ZNF407: variants seen among roughly 807,000 people sequenced by gnomAD.
ZNF407 encodes the protein zinc finger protein 407.
ZNF407 carries 17 observed loss-of-function variants against 131.2 expected under a neutral mutation model. That is an observed-to-expected ratio of 0.13 (90% CI 0.09 to 0.19). The LOEUF is 0.19. ZNF407 is among the 10% of genes least tolerant of loss of function. ZNF407 has a pLI of 1.00. For missense variants in ZNF407, 2,681 were observed against 2,830.6 expected (o/e 0.95, Z 1.20); for synonymous variants, 1,156 against 1,062.0 (o/e 1.09, Z -1.72).
rs1395111958 is a variant in ZNF407, at chr18:74,634,168, C to G, written c.3149C>G (p.Ala1050Gly). 1 of 1,614,040 alleles carries G rather than the reference C, an allele frequency of 6.2e-7. No individual in the cohort carries two copies. Among genetic ancestry groups the G allele is most frequent in the Admixed American group, 1.7e-5 (1 of 60,030 alleles). Residue 1050 changes from alanine (A) to glycine (G), a missense_variant, in exon 2 of 9, where the codon GCA (alanine) becomes GGA (glycine). Ala to Gly is a moderately conservative substitution (Grantham distance 60). Coordinates refer to ENST00000299687, the MANE Select transcript of ZNF407 (RefSeq NM_017757.3). ...HTKEFEFYCM[A>G]CDYYAVTRRE... is the part of the protein sequence containing the mutation. ...AAAGAGTTTGAGTTTTATTGCATGG[C>G]ATGCGATTACTACGCGGTGACTCGT...
intron 1 of ZNF407, among the ~76,000 whole-genome samples, chr18:74,611,256 A>G (rs2144619623): frequency 6.6e-6 from 1 of 152,380 alleles, no homozygotes; most frequent in East Asian, 1.9e-4. Flanking sequence ...CAGAGGGTGC[A>G]GACCATAAAG....
intron 3 of ZNF407, among the ~76,000 whole-genome samples, chr18:74,668,639 T>G (rs563280399): frequency 1.1e-3 from 175 of 152,320 alleles, no homozygotes; most frequent in African/African-American, 3.9e-3. Flanking sequence ...TTTAGCACAT[T>G]TTAAGCACCT....
intron 4 of ZNF407, among the ~76,000 whole-genome samples, chr18:74,827,348 A>G (rs1379710605): frequency 6.6e-6 from 1 of 152,144 alleles, no homozygotes; most frequent in African/African-American, 2.4e-5. Flanking sequence ...TGCCAAATAT[A>G]GACTTTATGT....
chr18:75,017,314 T>A (rs1423430979), intron 8 of ZNF407, among the ~76,000 whole-genome samples: 1 of 152,138 alleles, frequency 6.6e-6, no homozygotes, highest in Non-Finnish European at 1.5e-5. Flanking sequence ...AGAAGGATAC[T>A]TTGTAACCTC....
intron 3 of ZNF407, among the ~76,000 whole-genome samples, chr18:74,762,508 C>T (rs1027481786): frequency 6.6e-6 from 1 of 151,922 alleles, no homozygotes; most frequent in Admixed American, 6.6e-5. Context: ...CTCCATGAAA[C>T]CTTTACCTCA....
At chr18:74,927,144 T>C (rs1450554647) in intron 8 of ZNF407, among the ~76,000 whole-genome samples, 1 of 152,248 alleles carries the variant, frequency 6.6e-6, no homozygotes, top group Non-Finnish European at 1.5e-5. Flanking sequence ...CCATTGAATC[T>C]TCAAAACAAA....
At chr18:74,616,734 G>A (rs975988584) in intron 1 of ZNF407, among the ~76,000 whole-genome samples, 21,759 of 141,740 alleles carry the variant, frequency 0.15, 1,833 homozygotes, top group African/African-American at 0.23. Context: ...TCATGTCCAC[G>A]CTCTCTTGCC....
Position 74,633,083 on chromosome 18 carries a change from G to C in ZNF407, c.2064G>C (p.Lys688Asn). ...AAGCATCTCAGGAAGAACCTCTGAA[G>C]TCCAGGGTAAGCCATGGTAATGAAG... Reference protein sequence around the residue: ...SGKASQEEPLKSRVSHGNEVR... With the variant: ...SGKASQEEPLNSRVSHGNEVR... Residue 688 changes from lysine (K) to asparagine (N), a missense_variant, in exon 2 of 9, where the codon AAG (lysine) becomes AAC (asparagine). Around this residue, in one of 6 missense-constraint regions of ZNF407, gnomAD observed 1,789 missense variants for 1,748.7 expected, o/e 1.02. Transcript: ENST00000299687. 6.2e-7 allele frequency: 1 copy of C among 1,613,920 alleles called. No individual in the cohort carries two copies. Among genetic ancestry groups the C allele is most frequent in the South Asian group, 1.1e-5 (1 of 91,072 alleles).
intron 4 of ZNF407, among the ~76,000 whole-genome samples, chr18:74,867,295 C>T (rs975424654): frequency 6.6e-6 from 1 of 152,124 alleles, no homozygotes; most frequent in Non-Finnish European, 1.5e-5. Flanking sequence ...TACGATAGAC[C>T]TTTTCTGGAG....
intron 8 of ZNF407, among the ~76,000 whole-genome samples, chr18:74,982,976 TATC>T (rs1168102050): frequency 6.6e-6 from 1 of 152,228 alleles, no homozygotes; most frequent in African/African-American, 2.4e-5. Context: ...TTTTTCCTTT[TATC>T]ATCATTTAAT....
intron 1 of ZNF407, among the ~76,000 whole-genome samples, chr18:74,622,000 A>G (rs1983531021): frequency 1.3e-5 from 2 of 152,072 alleles, no homozygotes; most frequent in Non-Finnish European, 2.9e-5. Flanking sequence ...ATGGTTTTTT[A>G]GGGTGTTGTA....
chr18:74,908,296 T>C (rs1435428910), intron 7 of ZNF407, among the ~76,000 whole-genome samples: 2 of 152,210 alleles, frequency 1.3e-5, no homozygotes, highest in Non-Finnish European at 2.9e-5. Context: ...ATTATAAAAA[T>C]ATTTTTTCTA....
At chr18:74,690,318 C>T (rs1046234570) in intron 3 of ZNF407, among the ~76,000 whole-genome samples, 7 of 151,986 alleles carry the variant, frequency 4.6e-5, no homozygotes, top group Non-Finnish European at 7.4e-5. Flanking sequence ...TGTAATTAAC[C>T]ACATGGTTTC....
Position 74,767,802 on chromosome 18 carries a change from T to C in ZNF407, c.4803-13626T>C, listed in dbSNP as rs775045737. On this transcript the variant is annotated intron_variant, in intron 3 of 8. Transcript: ENST00000299687. ...CTGAGTAGCTGGGACTAGAGGCGCCTGCCACCACGCCTGGCTAATTTTTTT... is the reference window on the plus strand; with the variant it reads ...CTGAGTAGCTGGGACTAGAGGCGCCCGCCACCACGCCTGGCTAATTTTTTT... 1.6e-3 allele frequency among the ~76,000 whole-genome samples: 236 copies of C among 148,630 alleles called. 1 individual carries two copies. The highest frequency in any genetic ancestry group is 2.9e-3 in the Non-Finnish European group (192 of 67,312).
intron 4 of ZNF407, among the ~76,000 whole-genome samples, chr18:74,840,383 A>G (rs531633147): frequency 5.3e-5 from 8 of 150,030 alleles, no homozygotes; most frequent in South Asian, 2.2e-4. Flanking sequence ...CTTTCTCCCA[A>G]TCCTCCAGGT....
At chr18:75,027,207 A>G (rs1283080048) in intron 8 of ZNF407, among the ~76,000 whole-genome samples, 3 of 152,184 alleles carry the variant, frequency 2.0e-5, no homozygotes, top group African/African-American at 7.2e-5. Flanking sequence ...TTGCAGAGTG[A>G]GCTGTGCGGC....
chr18:74,893,337 G>A (rs375365652), intron 7 of ZNF407, among the ~76,000 whole-genome samples: 5 of 152,008 alleles, frequency 3.3e-5, no homozygotes, highest in Non-Finnish European at 5.9e-5. Context: ...TTAAAACTTC[G>A]GAATAATTTG....
intron 4 of ZNF407, among the ~76,000 whole-genome samples, chr18:74,828,671 G>A (rs1467303369): frequency 2.2e-5 from 3 of 134,372 alleles, no homozygotes; most frequent in East Asian, 2.3e-4. Flanking sequence ...TGTTCCTGGT[G>A]TGTGCTAGAA....
chr18:74,966,712 T>C (rs2145298447), intron 8 of ZNF407, among the ~76,000 whole-genome samples: 1 of 152,330 alleles, frequency 6.6e-6, no homozygotes, highest in Middle Eastern at 3.4e-3. Context: ...ATTGGCATTT[T>C]GATAGAGATT....
Sources: gnomAD v4.1 joint callset for allele counts (sites outside exome capture counted in the v4.1 genomes callset) on GRCh38, gnomAD v4.1.1 for gene constraint, gnomAD v4.1.1 regional missense constraint, MANE v1.5 for transcripts, NCBI Gene and HGNC (gene_info 2026-07-23, HGNC 2026-07-21) for gene names.